The following CDC42EP3 variants were observed in gnomAD, a reference collection of about 807,000 sequenced individuals.
The protein encoded by CDC42EP3 is CDC42 effector protein (Rho GTPase binding) 3.
CDC42EP3 carries 4 observed loss-of-function variants against 15.5 expected under a neutral mutation model. The observed-to-expected ratio is 0.26, with a 90% CI of 0.13 to 0.59. The LOEUF (loss-of-function observed/expected upper bound fraction) is 0.59. Ranked by LOEUF, CDC42EP3 falls within the 20% of genes least tolerant of loss-of-function variation. CDC42EP3 has a pLI of 0.89. For synonymous variants in CDC42EP3, 145 were observed against 130.3 expected (o/e 1.11, Z -0.77); for missense variants, 309 against 311.2 (o/e 0.99, Z 0.05).
intron 1 of CDC42EP3, among the ~76,000 whole-genome samples, chr2:37,664,347 C>G (rs989977318): frequency 3.9e-5 from 6 of 152,224 alleles, no homozygotes; most frequent in Non-Finnish European, 8.8e-5. Flanking sequence ...AGAAGGCTCT[C>G]AGGCCTTTGG....
At chr2:37,649,328 A>C (rs1665588458) in intron 1 of CDC42EP3, among the ~76,000 whole-genome samples, 1 of 151,424 alleles carries the variant, frequency 6.6e-6, no homozygotes, top group Non-Finnish European at 1.5e-5. Flanking sequence ...GGTAGCACAC[A>C]CCTGCAGTCT....
rs762849891 is a variant in CDC42EP3, at chr2:37,646,261, G to A, written c.327C>T (p.Leu109=). ...GAGCTTGGGATCCTCCAATGGTCGG[G>A]AGGGAGATGGCATTTTTGAGCACCG... ...PSPVLKNAIS[L]PTIGGSQALM... The change falls in exon 2 of 2, where the codon CTC becomes CTT. Residue 109 remains leucine (L), a synonymous_variant. Coordinates refer to ENST00000295324, the MANE Select transcript of CDC42EP3 (RefSeq NM_006449.5). 1.9e-6 allele frequency: 3 copies of A among 1,614,098 alleles called. No homozygotes were observed. The highest frequency in any genetic ancestry group is 1.7e-5 in the Admixed American group (1 of 60,010).
At chr2:37,666,424 T>C (rs939168667) in intron 1 of CDC42EP3, among the ~76,000 whole-genome samples, 4 of 152,224 alleles carry the variant, frequency 2.6e-5, no homozygotes, top group African/African-American at 9.6e-5. Context: ...TGTTACCTAA[T>C]TGCAGGTGTG....
chr2:37,656,027 T>C (rs2124623836), intron 1 of CDC42EP3, among the ~76,000 whole-genome samples: 2 of 152,342 alleles, frequency 1.3e-5, no homozygotes, highest in South Asian at 4.1e-4. Flanking sequence ...TTCCTAGCCA[T>C]TTGCCTTTAG....
chr2:37,652,972 C>A (rs1407551941), intron 1 of CDC42EP3, among the ~76,000 whole-genome samples: 2 of 152,112 alleles, frequency 1.3e-5, no homozygotes, highest in Non-Finnish European at 2.9e-5. Flanking sequence ...AAACCTTGAC[C>A]CTGAAATTTG....
upstream of CDC42EP3, chr2:37,672,546 G>C (rs1666467782): frequency 6.6e-6 from 1 of 152,202 alleles, no homozygotes; most frequent in Non-Finnish European, 1.5e-5. Context: ...CCGCCGCCCG[G>C]CGCGCCCCTC....
rs181184587 is a variant in CDC42EP3 at position 37,646,591 on chromosome 2, G to A, written c.-4C>T. On this transcript the variant is annotated 5_prime_UTR_variant, in exon 2 of 2. Coordinates refer to ENST00000295324, the MANE Select transcript of CDC42EP3 (RefSeq NM_006449.5). ...AAATTGGGGTCTTGGCTGGCATTTT[G>A]GAATTTGAGAATGTCTATTTTGCAA... is the stretch of plus-strand genomic sequence containing the variant. The A allele has an allele frequency of 1.3e-6, 2 of 1,528,646 alleles. No individual in the cohort carries two copies. The highest frequency in any genetic ancestry group is 1.4e-5 in the African/African-American group (1 of 71,910). The allele number at this position is 1,528,646 out of a possible 1,614,324, so 94.7% of individuals were successfully genotyped here.
intron 1 of CDC42EP3, among the ~76,000 whole-genome samples, chr2:37,665,689 G>A (rs779230304): frequency 1.5e-4 from 23 of 152,170 alleles, no homozygotes; most frequent in African/African-American, 4.6e-4. Context: ...AGAACATGAC[G>A]GATTCCCAAA....
chr2:37,656,979 GCC>G (rs796652094), intron 1 of CDC42EP3, among the ~76,000 whole-genome samples: 1,415 of 79,768 alleles, frequency 0.018, 30 homozygotes, highest in African/African-American at 0.06. Flanking sequence ...AAGTAACAAA[GCC>G]CCCCCCCCAC....
intron 1 of CDC42EP3, among the ~76,000 whole-genome samples, chr2:37,649,568 G>A (rs1170851494): frequency 6.6e-6 from 1 of 151,576 alleles, no homozygotes; most frequent in Admixed American, 6.6e-5. Flanking sequence ...AAGGATTTGG[G>A]ACAGTGAGGA....
chr2:37,642,935 G>C lies in CDC42EP3; in HGVS notation c.*2888C>G, dbSNP rs185362863. 24 of 152,270 alleles carry C rather than the reference G, an allele frequency of 1.6e-4. No homozygotes were observed. Among genetic ancestry groups the C allele is most frequent in the African/African-American group, 5.5e-4 (23 of 41,542 alleles). The allele number at this position is 152,270 out of a possible 1,614,324, so 9.4% of individuals were successfully genotyped here. On this transcript the variant is annotated 3_prime_UTR_variant, in exon 2 of 2. Transcript: ENST00000295324. ...ATATTTGTGAAGAGCTAAGTATCCTGATATTTTGATCTTTTCAAGCAGATA... is the reference window on the plus strand; with the variant it reads ...ATATTTGTGAAGAGCTAAGTATCCTCATATTTTGATCTTTTCAAGCAGATA...
At chr2:37,664,573 C>CA (rs1666194255) in intron 1 of CDC42EP3, among the ~76,000 whole-genome samples, 1 of 152,094 alleles carries the variant, frequency 6.6e-6, no homozygotes, top group South Asian at 2.1e-4. Context: ...AAGTAAGCGA[C>CA]AAAGATTTCT....
chr2:37,655,004 C>T (rs1218534948), intron 1 of CDC42EP3, among the ~76,000 whole-genome samples: 16 of 152,158 alleles, frequency 1.1e-4, no homozygotes, highest in Non-Finnish European at 2.2e-4. Flanking sequence ...CCCAGTAACC[C>T]GAAGGGGATG....
intron 1 of CDC42EP3, among the ~76,000 whole-genome samples, chr2:37,670,840 G>A (rs1297481708): frequency 6.6e-6 from 1 of 152,140 alleles, no homozygotes; most frequent in African/African-American, 2.4e-5. Flanking sequence ...ACTTGTCTGT[G>A]TCAAGCCACT....
chr2:37,665,225 C>G (rs1337367542), intron 1 of CDC42EP3, among the ~76,000 whole-genome samples: 1 of 152,048 alleles, frequency 6.6e-6, no homozygotes, highest in South Asian at 2.1e-4. Flanking sequence ...AAAAGAGGAA[C>G]AGAATCACAG....
upstream of CDC42EP3, chr2:37,672,188 C>A (rs1666455306): frequency 6.6e-6 from 1 of 152,070 alleles, no homozygotes; most frequent in African/African-American, 2.4e-5. Context: ...AGCCCGGGCT[C>A]CGGTGGGCGC....
At chr2:37,666,815 T>C (rs1452987991) in intron 1 of CDC42EP3, among the ~76,000 whole-genome samples, 1 of 61,392 alleles carries the variant, frequency 1.6e-5, no homozygotes, top group Non-Finnish European at 3.9e-5. Flanking sequence ...GGAGAAAGCT[T>C]TTTTTTTTTT....
At chr2:37,649,236 A>T (rs974837849) in intron 1 of CDC42EP3, among the ~76,000 whole-genome samples, 13 of 152,072 alleles carry the variant, frequency 8.5e-5, no homozygotes, top group African/African-American at 3.1e-4. Flanking sequence ...GGACTGACTG[A>T]GTCCAGGAGT....
intron 1 of CDC42EP3, among the ~76,000 whole-genome samples, chr2:37,661,639 C>G (rs908111096): frequency 6.6e-6 from 1 of 151,984 alleles, no homozygotes; most frequent in African/African-American, 2.4e-5. Flanking sequence ...TGGCTGCTGG[C>G]GTTATAAACT....
Sources: allele counts gnomAD v4.1 joint callset (sites outside exome capture counted in the v4.1 genomes callset), GRCh38; gene constraint gnomAD v4.1.1; transcripts MANE v1.5; gene names NCBI Gene and HGNC (gene_info 2026-07-23, HGNC 2026-07-21).